Variants in PNRC1 observed in about 807,000 individuals in gnomAD.
PNRC1 encodes the protein proline rich nuclear receptor coactivator 1, also known as proline-rich nuclear receptor coactivator 1.
Under a neutral mutation model 20.2 loss-of-function variants are expected in PNRC1, and 6 were observed. The observed-to-expected ratio is 0.30, with a 90% CI of 0.16 to 0.59. PNRC1 has a LOEUF of 0.59. Among genes scored for constraint, PNRC1 ranks in the 20% least tolerant of loss-of-function variants. The probability of loss-of-function intolerance (pLI) is 0.89; values close to 1 mark genes in which losing one functional copy is unlikely to be tolerated. For missense variants in PNRC1, 488 were observed against 430.2 expected (o/e 1.13, Z -1.19); for synonymous variants, 202 against 186.9 (o/e 1.08, Z -0.66).
At chr6:89,083,067 G>C (rs1036885633) in intron 1 of PNRC1, among the ~76,000 whole-genome samples, 2 of 151,532 alleles carry the variant, frequency 1.3e-5, no homozygotes, top group African/African-American at 4.9e-5. Flanking sequence ...GCAGTGGCAC[G>C]ATCGATCTCT....
chr6:89,082,673 C>T (rs1468579853), intron 1 of PNRC1: 1 of 152,220 alleles, frequency 6.6e-6, no homozygotes, highest in East Asian at 1.9e-4. Flanking sequence ...TAGTGGATTA[C>T]CTTACGCTTT....
chr6:89,081,237 C>A lies in PNRC1; in HGVS notation c.343C>A (p.His115Asn). ...CGCAGGGCAGCTGCCCAGCCGCTTC[C>A]ACCAGTACCAGCAGCACCGGCCGAG... is the stretch of plus-strand genomic sequence containing the variant. ...SPAGQLPSRFHQYQQHRPSLE... is the reference protein window; with the variant it reads ...SPAGQLPSRFNQYQQHRPSLE... The change falls in exon 1 of 2, where the codon CAC becomes AAC. Residue 115 changes from histidine (H) to asparagine (N), a missense_variant. Coordinates refer to ENST00000336032, the MANE Select transcript of PNRC1 (RefSeq NM_006813.3). 1 of 1,553,736 alleles carries A rather than the reference C, an allele frequency of 6.4e-7. No homozygotes were observed. Among genetic ancestry groups the A allele is most frequent in the Non-Finnish European group, 8.6e-7 (1 of 1,157,936 alleles).
Position 89,083,971 on chromosome 6 carries a change from T to G in PNRC1, c.759T>G (p.Phe253Leu), listed in dbSNP as rs1165398723. 3.1e-6 allele frequency: 5 copies of G among 1,613,856 alleles called. No homozygotes were observed. The highest frequency in any genetic ancestry group is 3.4e-6 in the Non-Finnish European group (4 of 1,179,960). ...DRIQKQEKKPFKNTENIKNSH... is the reference protein window; with the variant it reads ...DRIQKQEKKPLKNTENIKNSH... ...TTCAGAAGCAGGAAAAAAAGCCTTTTAAAAATACCGAGAACATTAAAAATT... is the reference window on the plus strand; with the variant it reads ...TTCAGAAGCAGGAAAAAAAGCCTTTGAAAAATACCGAGAACATTAAAAATT... The change falls in exon 2 of 2, where the codon TTT (phenylalanine) becomes TTG (leucine). Residue 253 changes from phenylalanine to leucine, a missense_variant. Phe to Leu is a conservative substitution (Grantham distance 22, BLOSUM62 0). Coordinates refer to ENST00000336032, the MANE Select transcript of PNRC1 (RefSeq NM_006813.3).
intron 1 of PNRC1, among the ~76,000 whole-genome samples, chr6:89,083,232 C>T (rs989882670): frequency 3.9e-5 from 6 of 152,304 alleles, no homozygotes; most frequent in Middle Eastern, 3.4e-3. Context: ...TGAGCTTGAG[C>T]GATCTGCTTG....
Position 89,083,761 on chromosome 6 carries a change from A to T in PNRC1, c.549A>T (p.Lys183Asn). 1 of 1,577,676 alleles carries T rather than the reference A, an allele frequency of 6.3e-7. No individual in the cohort carries two copies. Among genetic ancestry groups the T allele is most frequent in the Non-Finnish European group, 8.6e-7 (1 of 1,167,082 alleles). The change falls in exon 2 of 2, where the codon AAA (lysine) becomes AAT (asparagine). Residue 183 changes from lysine to asparagine, a missense_variant. Coordinates refer to ENST00000336032, the MANE Select transcript of PNRC1 (RefSeq NM_006813.3). ...TGTTCTTGTCTTTGTAGGTTTTAAAATCAAAGATGGGAAAATCGGAGAAAA... is the reference window on the plus strand; with the variant it reads ...TGTTCTTGTCTTTGTAGGTTTTAAATTCAAAGATGGGAAAATCGGAGAAAA... Reference protein sequence around the residue: ...GQTPLRKEVLKSKMGKSEKIA... With the variant: ...GQTPLRKEVLNSKMGKSEKIA...
chr6:89,083,353 C>T (rs1768045204), intron 1 of PNRC1, among the ~76,000 whole-genome samples: 1 of 152,130 alleles, frequency 6.6e-6, no homozygotes, highest in South Asian at 2.1e-4. Flanking sequence ...TGCAGGTTTG[C>T]TACATGGGTA....
chr6:89,082,689 C>T (rs1008132491), intron 1 of PNRC1: 5 of 152,144 alleles, frequency 3.3e-5, no homozygotes, highest in Admixed American at 3.3e-4. Context: ...GCTTTTCCAT[C>T]CTTTCAAGAC....
Position 89,084,931 on chromosome 6 carries a change from T to C in PNRC1, c.*735T>C, listed in dbSNP as rs769863251. On this transcript the variant is annotated 3_prime_UTR_variant, in exon 2 of 2. Transcript: ENST00000336032. Reference sequence around the variant, plus strand: ...GGTTGGATTTTTTTGACTTCTACTTTACTGGCTGAGTGTGAGCCGCCATGC... The same window carrying C: ...GGTTGGATTTTTTTGACTTCTACTTCACTGGCTGAGTGTGAGCCGCCATGC... The C allele has an allele frequency of 3.9e-5, 6 of 152,282 alleles. No individual in the cohort carries two copies. The highest frequency in any genetic ancestry group is 8.8e-5 in the Non-Finnish European group (6 of 68,088). The allele number at this position is 152,282 out of a possible 1,614,324, so 9.4% of individuals were successfully genotyped here.
At chr6:89,081,489 G>C (rs1344545961) in intron 1 of PNRC1, 55 bp downstream of exon 1, 2 of 1,045,888 alleles carry the variant, frequency 1.9e-6, no homozygotes, top group East Asian at 3.5e-5. Context: ...TCGCGGCCGA[G>C]CTCTGGGGCT....
At position 89,080,872 on chromosome 6, in the gene PNRC1, T is replaced by C; in HGVS notation, c.-23T>C. The C allele has an allele frequency of 6.2e-7, 1 of 1,606,380 alleles. No homozygotes were observed. Among genetic ancestry groups the C allele is most frequent in the Non-Finnish European group, 8.5e-7 (1 of 1,179,536 alleles). ...CACCTTCTCCTTCTCTCTTCGTTGCTGAGCGACAAGCTTCCTAGCGCTATG... is the reference window on the plus strand; with the variant it reads ...CACCTTCTCCTTCTCTCTTCGTTGCCGAGCGACAAGCTTCCTAGCGCTATG... On this transcript the variant is annotated 5_prime_UTR_variant, in exon 1 of 2. Transcript: ENST00000336032.
chr6:89,081,632 G>A (rs1247656326), intron 1 of PNRC1, among the ~76,000 whole-genome samples, 198 bp downstream of exon 1: 1 of 152,026 alleles, frequency 6.6e-6, no homozygotes, highest in East Asian at 1.9e-4. Flanking sequence ...GGAGGCATGC[G>A]CTGGCGCTTC....
In PNRC1 at chr6:89,081,318, G is replaced by C. The variant is rs1205674949; in HGVS notation, c.424G>C (p.Gly142Arg). 7 of 1,467,738 alleles carry C rather than the reference G, an allele frequency of 4.8e-6. No homozygotes were observed. Among genetic ancestry groups the C allele is most frequent in the African/African-American group, 3.0e-5 (2 of 67,092 alleles). 90.9% of individuals were successfully genotyped at this position (1,467,738 alleles called of 1,614,324 possible). A position where few individuals can be genotyped will look rare whatever the true frequency, so the allele number is the denominator to read the frequency against. ...CCCGAGCGGAGCGCAGGAGGTCCCG[G>C]GCCCGGCCGCCGCCTTGGCCCCGAG... ...TGPSGAQEVPGPAAALAPSPA... is the reference protein window; with the variant it reads ...TGPSGAQEVPRPAAALAPSPA... The change falls in exon 1 of 2, where the codon GGC becomes CGC. Residue 142 changes from glycine (G) to arginine (R), a missense_variant. By Grantham distance (125) the Gly-to-Arg change is moderately radical. Transcript: ENST00000336032.
At chr6:89,081,653 C>T (rs1436805317) in intron 1 of PNRC1, among the ~76,000 whole-genome samples, 1 of 151,962 alleles carries the variant, frequency 6.6e-6, no homozygotes, top group Non-Finnish European at 1.5e-5. Flanking sequence ...TGATTGGCTC[C>T]CAGGAGTCGG....
At position 89,084,076 on chromosome 6, in the gene PNRC1, T is replaced by C; in HGVS notation, c.864T>C (p.Pro288=). 1 of 1,614,152 alleles carries C rather than the reference T, an allele frequency of 6.2e-7. No individual in the cohort carries two copies. The highest frequency in any genetic ancestry group is 8.5e-7 in the Non-Finnish European group (1 of 1,179,990). The change falls in exon 2 of 2, where the codon CCT becomes CCC. Residue 288 remains proline, a synonymous_variant. Coordinates refer to ENST00000336032, the MANE Select transcript of PNRC1 (RefSeq NM_006813.3). The part of the protein sequence containing the change: ...NYAGAKFSDP[P]SPSVLPKPPS... Reference sequence around the variant, plus strand: ...CTGGGGCAAAGTTTAGTGATCCACCTTCTCCTAGTGTTCTTCCAAAGCCTC... The same window carrying C: ...CTGGGGCAAAGTTTAGTGATCCACCCTCTCCTAGTGTTCTTCCAAAGCCTC...
Position 89,080,971 on chromosome 6 carries a change from G to A in PNRC1, c.77G>A (p.Arg26Gln), listed in dbSNP as rs1221702643. The A allele has an allele frequency of 8.1e-6, 13 of 1,613,198 alleles. No homozygotes were observed. Among genetic ancestry groups the A allele is most frequent in the African/African-American group, 1.3e-5 (1 of 74,926 alleles). ...CTTGCGCCGCTTGGCTTTTCCTCCC[G>A]AGGTTACTTTGGGGCCCTCCCGATG... ...GRLAPLGFSS[R>Q]GYFGALPMVT... Residue 26 changes from arginine to glutamine, a missense_variant, in exon 1 of 2, where the codon CGA (arginine) becomes CAA (glutamine). Transcript: ENST00000336032.
At position 89,083,812 on chromosome 6, in the gene PNRC1, T is replaced by A; in HGVS notation, c.600T>A (p.Val200=). 1 of 1,607,148 alleles carries A rather than the reference T, an allele frequency of 6.2e-7. No individual in the cohort carries two copies. The highest frequency in any genetic ancestry group is 8.5e-7 in the Non-Finnish European group (1 of 1,178,188). The change falls in exon 2 of 2, where the codon GTT becomes GTA. Residue 200 remains valine, a synonymous_variant. Coordinates refer to ENST00000336032, the MANE Select transcript of PNRC1 (RefSeq NM_006813.3). ...EKIALPHGQL[V]HGIHLYEQPK... ...TTGCCCTTCCCCATGGCCAGCTTGT[T>A]CATGGTATACACTTGTATGAGCAAC...
Position 89,081,377 on chromosome 6 carries a change from C to T in PNRC1, c.483C>T (p.Ser161=). ...CCGCAGCCGGCACGGAGGGAGCCAG[C>T]CCCGACCTTGCCCCGCTGCGGCCCG... ...PAAAAGTEGA[S]PDLAPLRPAA... is the part of the protein sequence containing the mutation. Residue 161 remains serine, a synonymous_variant, in exon 1 of 2, where the codon AGC becomes AGT. Coordinates refer to ENST00000336032, the MANE Select transcript of PNRC1 (RefSeq NM_006813.3). 7.1e-7 allele frequency: 1 copy of T among 1,403,528 alleles called. No homozygotes were observed. The highest frequency in any genetic ancestry group is 9.2e-7 in the Non-Finnish European group (1 of 1,089,394). 86.9% of individuals were successfully genotyped at this position (1,403,528 alleles called of 1,614,324 possible).
Position 89,081,434 on chromosome 6 carries a change from G to A in PNRC1, c.540G>A (p.Glu180=). ...CCGGCCAAACCCCCCTCAGGAAAGAGGTGAGGCCGCCAGGGGGCCGTTGGG... is the reference window on the plus strand; with the variant it reads ...CCGGCCAAACCCCCCTCAGGAAAGAAGTGAGGCCGCCAGGGGGCCGTTGGG... The part of the protein sequence containing the change: ...AAPGQTPLRK[E]VLKSKMGKSE... Residue 180 remains glutamate (E), a splice_region_variant and synonymous_variant, in exon 1 of 2, where the codon GAG becomes GAA. Transcript: ENST00000336032. The A allele has an allele frequency of 7.6e-7, 1 of 1,316,114 alleles. No homozygotes were observed. 81.5% of individuals were successfully genotyped at this position (1,316,114 alleles called of 1,614,324 possible). A position where few individuals can be genotyped will look rare whatever the true frequency, so the allele number is the denominator to read the frequency against.
chr6:89,081,872 G>A (rs1407665994), intron 1 of PNRC1: 1 of 152,876 alleles, frequency 6.5e-6, no homozygotes, highest in Non-Finnish European at 1.5e-5. Context: ...GAAGGACTGG[G>A]CCCGGCTTTC....
Sources: allele counts gnomAD v4.1 joint callset (sites outside exome capture counted in the v4.1 genomes callset), GRCh38; gene constraint gnomAD v4.1.1; transcripts MANE v1.5; gene names NCBI Gene and HGNC (gene_info 2026-07-23, HGNC 2026-07-21).